GRIN2B: variants seen among roughly 807,000 people sequenced by gnomAD.
GRIN2B encodes glutamate ionotropic receptor NMDA type subunit 2B.
A neutral mutation model predicts 114.5 loss-of-function variants in GRIN2B; 5 were observed. The ratio of observed to expected loss-of-function variants is 0.04; its 90% CI spans 0.02 to 0.09. GRIN2B has a LOEUF of 0.09. Among genes scored for constraint, GRIN2B ranks in the 10% least tolerant of loss-of-function variants. The pLI is 1.00. For missense variants in GRIN2B, 1,108 were observed against 1,943.5 expected (o/e 0.57, Z 8.08); for synonymous variants, 787 against 745.1 (o/e 1.06, Z -0.92).
chr12:13,621,355 G>A (rs972416892), intron 5 of GRIN2B, among the ~76,000 whole-genome samples: 8 of 152,056 alleles, frequency 5.3e-5, no homozygotes, highest in Admixed American at 3.9e-4. Context: ...ACAATGTAGC[G>A]AGAAGAACTG....
chr12:13,825,493 A>ATATATTTTTTTTT (rs1555144006), intron 3 of GRIN2B, among the ~76,000 whole-genome samples: 3 of 28,128 alleles, frequency 1.1e-4, no homozygotes, highest in Admixed American at 4.2e-4. Flanking sequence ...ATATATATAT[A>ATATATTTTTTTTT]TTTTGTGTGT....
At chr12:13,600,996 G>A (rs1949149839) in intron 10 of GRIN2B, among the ~76,000 whole-genome samples, 1 of 152,184 alleles carries the variant, frequency 6.6e-6, no homozygotes, top group Non-Finnish European at 1.5e-5. Context: ...CAAAGGAGAG[G>A]GGAACTGAAT....
At position 13,552,852 on chromosome 12, in the gene GRIN2B, A is replaced by G. The variant is rs1948430441; in HGVS notation, c.*9931T>C. On this transcript the variant is annotated 3_prime_UTR_variant, in exon 14 of 14. Coordinates refer to ENST00000609686, the MANE Select transcript of GRIN2B (RefSeq NM_000834.5). ...AGTTTTGCCCTACCTTGCCAATAAT[A>G]ATTGTCCTACCCACTCCTGTCTCAA... 6.6e-6 allele frequency: 1 copy of G among 152,098 alleles called. No individual in the cohort carries two copies. Among genetic ancestry groups the G allele is most frequent in the South Asian group, 2.1e-4 (1 of 4,826 alleles). 9.4% of individuals were successfully genotyped at this position (152,098 alleles called of 1,614,324 possible). A position where few individuals can be genotyped will look rare whatever the true frequency, so the allele number is the denominator to read the frequency against.
chr12:13,913,909 G>A (rs1253712328), intron 2 of GRIN2B, among the ~76,000 whole-genome samples: 1 of 152,148 alleles, frequency 6.6e-6, no homozygotes, highest in Admixed American at 6.5e-5. Context: ...GAGTAGCTGA[G>A]AGGATTAAAT....
Position 13,542,634 on chromosome 12 carries a change from A to G in GRIN2B, c.*20149T>C, listed in dbSNP as rs1224580214. 6.6e-6 allele frequency: 1 copy of G among 152,246 alleles called. No individual in the cohort carries two copies. The highest frequency in any genetic ancestry group is 1.5e-5 in the Non-Finnish European group (1 of 68,064). 9.4% of individuals were successfully genotyped at this position (152,246 alleles called of 1,614,324 possible). A position where few individuals can be genotyped will look rare whatever the true frequency, so the allele number is the denominator to read the frequency against. On this transcript the variant is annotated 3_prime_UTR_variant, in exon 14 of 14. Coordinates refer to ENST00000609686, the MANE Select transcript of GRIN2B (RefSeq NM_000834.5). ...AATGCCCACAGCCTCGCTTAGGGCAATCACCACGAGAAGCCCAAGACCCCC... is the reference window on the plus strand; with the variant it reads ...AATGCCCACAGCCTCGCTTAGGGCAGTCACCACGAGAAGCCCAAGACCCCC...
At chr12:13,646,755 C>T (rs1446228380) in intron 5 of GRIN2B, among the ~76,000 whole-genome samples, 1 of 151,918 alleles carries the variant, frequency 6.6e-6, no homozygotes, top group Non-Finnish European at 1.5e-5. Flanking sequence ...TCTCAAACTC[C>T]TGGGCTCAGA....
Position 13,866,079 on chromosome 12 carries a change from T to G in GRIN2B, c.130A>C (p.Thr44Pro). Residue 44 changes from threonine (T) to proline (P), a missense_variant, in exon 3 of 14, where the codon ACT (threonine) becomes CCT (proline). By Grantham distance (38) the Thr-to-Pro change is conservative. Around this residue, in one of 19 missense-constraint regions of GRIN2B, gnomAD observed 199 missense variants for 439.6 expected, o/e 0.45. Coordinates refer to ENST00000609686, the MANE Select transcript of GRIN2B (RefSeq NM_000834.5). ...SIGIAVILVG[T>P]SDEVAIKDAH... ...TCCTTGATGGCCACCTCGTCGGAAG[T>G]GCCCACGAGGATGACAGCAATGCCA... is the stretch of plus-strand genomic sequence containing the variant. The G allele has an allele frequency of 6.2e-7, 1 of 1,614,100 alleles. No homozygotes were observed. The highest frequency in any genetic ancestry group is 8.5e-7 in the Non-Finnish European group (1 of 1,179,992).
intron 3 of GRIN2B, among the ~76,000 whole-genome samples, chr12:13,858,407 T>C (rs933316209): frequency 3.9e-5 from 6 of 152,212 alleles, no homozygotes; most frequent in Non-Finnish European, 8.8e-5. Flanking sequence ...ATGCTAGACC[T>C]TTAAACTACA....
At position 13,564,088 on chromosome 12, in the gene GRIN2B, A is replaced by G. The variant is rs1217770678; in HGVS notation, c.3150T>C (p.Ser1050=). The part of the protein sequence containing the change: ...GKFSFKSDRY[S]GHDDLIRSDV... Reference sequence around the variant, plus strand: ...CGGAGCGGATCAAGTCGTCGTGGCCACTGTAGCGGTCGCTCTTGAAGGAGA... The same window carrying G: ...CGGAGCGGATCAAGTCGTCGTGGCCGCTGTAGCGGTCGCTCTTGAAGGAGA... The change falls in exon 14 of 14, where the codon AGT becomes AGC. Residue 1050 remains serine (S), a synonymous_variant. Transcript: ENST00000609686. The surrounding 1 kb of genome is among the most constrained non-coding windows in gnomAD (Gnocchi z 4.8). The G allele has an allele frequency of 6.2e-7, 1 of 1,614,136 alleles. No homozygotes were observed. Among genetic ancestry groups the G allele is most frequent in the South Asian group, 1.1e-5 (1 of 91,068 alleles).
At chr12:13,605,551 T>TCACA in intron 10 of GRIN2B, among the ~76,000 whole-genome samples, 1 of 30,500 alleles carries the variant, frequency 3.3e-5, no homozygotes, top group African/African-American at 1.0e-4. Context: ...TCTCTCTCTC[T>TCACA]GACACACACA....
chr12:13,848,939 C>T (rs890408164), intron 3 of GRIN2B, among the ~76,000 whole-genome samples: 13 of 152,352 alleles, frequency 8.5e-5, no homozygotes, highest in African/African-American at 3.1e-4. Context: ...CCAGTAACTA[C>T]TTGCTGGGTT....
intron 2 of GRIN2B, among the ~76,000 whole-genome samples, chr12:13,891,275 A>T (rs1209578729): frequency 6.6e-6 from 1 of 152,080 alleles, no homozygotes; most frequent in East Asian, 1.9e-4. Context: ...TGGGACTGTG[A>T]TTCCTATTCA....
chr12:13,567,580 C>T (rs1169070489), intron 12 of GRIN2B, among the ~76,000 whole-genome samples: 1 of 152,166 alleles, frequency 6.6e-6, no homozygotes, highest in South Asian at 2.1e-4. Flanking sequence ...ATCACAATGA[C>T]AAGCTGTCTG....
At chr12:13,898,098 G>A (rs1268313004) in intron 2 of GRIN2B, among the ~76,000 whole-genome samples, 2 of 152,024 alleles carry the variant, frequency 1.3e-5, no homozygotes, top group African/African-American at 4.8e-5. Context: ...GAAAAGAGAG[G>A]TGGAAAAGAA....
chr12:13,558,398 T>G lies in GRIN2B; in HGVS notation c.*4385A>C, dbSNP rs550427372. ...AAGAATAAAGTGAGTTCTGGAATAG[T>G]TTTTCCAAAAGCTTATTGCCCAAAC... On this transcript the variant is annotated 3_prime_UTR_variant, in exon 14 of 14. Coordinates refer to ENST00000609686, the MANE Select transcript of GRIN2B (RefSeq NM_000834.5). 7.9e-5 allele frequency: 12 copies of G among 151,918 alleles called. No homozygotes were observed. Among genetic ancestry groups the G allele is most frequent in the Admixed American group, 7.2e-4 (11 of 15,240 alleles). 9.4% of individuals were successfully genotyped at this position (151,918 alleles called of 1,614,324 possible). A position where few individuals can be genotyped will look rare whatever the true frequency, so the allele number is the denominator to read the frequency against.
In GRIN2B at chr12:13,753,626, T is replaced by C; in HGVS notation, c.701A>G (p.Lys234Arg). The part of the protein sequence containing the change: ...QSPIILLYCT[K>R]EEATYIFEVA... ...TTCAAAGATGTAGGTGGCTTCTTCC[T>C]TGGTACAGTAAAGAAGAATGATGGG... The change falls in exon 4 of 14, where the codon AAG becomes AGG. Residue 234 changes from lysine to arginine, a missense_variant. Physicochemically the swap from Lys to Arg is conservative, Grantham distance 26. Coordinates refer to ENST00000609686, the MANE Select transcript of GRIN2B (RefSeq NM_000834.5). The surrounding 1 kb of genome is among the most constrained non-coding windows in gnomAD (Gnocchi z 6.2). The C allele has an allele frequency of 6.2e-7, 1 of 1,614,180 alleles. No individual in the cohort carries two copies. The highest frequency in any genetic ancestry group is 8.5e-7 in the Non-Finnish European group (1 of 1,180,020).
At chr12:13,980,564 A>G (rs1262042507) in intron 1 of GRIN2B, among the ~76,000 whole-genome samples, 2 of 152,068 alleles carry the variant, frequency 1.3e-5, no homozygotes, top group East Asian at 3.9e-4. Context: ...CATTCCTGGG[A>G]CAGGCACGGA....
chr12:13,600,724 C>A (rs982662584), intron 10 of GRIN2B, among the ~76,000 whole-genome samples: 2 of 152,176 alleles, frequency 1.3e-5, no homozygotes, highest in Non-Finnish European at 2.9e-5. Context: ...ATACATCTCA[C>A]AGAAACATGT....
At chr12:13,715,302 A>G in intron 4 of GRIN2B, among the ~76,000 whole-genome samples, 1 of 151,942 alleles carries the variant, frequency 6.6e-6, no homozygotes, top group East Asian at 1.9e-4. Flanking sequence ...GACATGGCAG[A>G]AAGTGAATTC....
Sources: allele counts gnomAD v4.1 joint callset (sites outside exome capture counted in the v4.1 genomes callset), GRCh38; gene constraint gnomAD v4.1.1; regional missense constraint gnomAD v4.1.1; non-coding constraint Gnocchi (gnomAD v3.1); transcripts MANE v1.5; gene names NCBI Gene and HGNC (gene_info 2026-07-23, HGNC 2026-07-21).